STX11: variants seen among roughly 807,000 people sequenced by gnomAD.
STX11 encodes syntaxin 11.
In STX11, 21 loss-of-function variants were observed where a neutral mutation model predicts 19.9. That is an observed-to-expected ratio of 1.06 (90% CI 0.75 to 1.52). The LOEUF (loss-of-function observed/expected upper bound fraction) is 1.52. Ranked by LOEUF, STX11 falls within the 40% of genes most tolerant of loss-of-function variation. The pLI is 0.00. For missense variants in STX11, 438 were observed against 405.9 expected (o/e 1.08, Z -0.68); for synonymous variants, 193 against 174.4 (o/e 1.11, Z -0.84).
Position 144,186,856 on chromosome 6 carries a change from C to T in STX11, c.229C>T (p.Arg77Trp), listed in dbSNP as rs778807808. 1 of 1,612,864 alleles carries T rather than the reference C, an allele frequency of 6.2e-7. No homozygotes were observed. The highest frequency in any genetic ancestry group is 1.7e-5 in the Admixed American group (1 of 59,978). The change falls in exon 2 of 2, where the codon CGG becomes TGG. Residue 77 changes from arginine to tryptophan, a missense_variant. Coordinates refer to ENST00000367568, the MANE Select transcript of STX11 (RefSeq NM_003764.4). ...KQNARFLTSM[R>W]RLSSIKRDTN... is the part of the protein sequence containing the mutation. ...GAACGCCCGCTTCCTCACGTCCATGCGGCGCCTCAGCAGCATCAAGCGCGA... is the reference window on the plus strand; with the variant it reads ...GAACGCCCGCTTCCTCACGTCCATGTGGCGCCTCAGCAGCATCAAGCGCGA...
rs1411227675 is a variant in STX11, at chr6:144,190,952, T to C, written c.*3461T>C. ...GTGTTCTAGTGCCACCAAGAGATGC[T>C]GTAGAGCTGGCTTTACCAATCTCAT... On this transcript the variant is annotated 3_prime_UTR_variant, in exon 2 of 2. Transcript: ENST00000367568. Among the ~76,000 whole-genome samples, 1 of 152,088 alleles carries C rather than the reference T, an allele frequency of 6.6e-6. No individual in the cohort carries two copies. The highest frequency in any genetic ancestry group is 6.6e-5 in the Admixed American group (1 of 15,254).
intron 1 of STX11, among the ~76,000 whole-genome samples, chr6:144,178,160 T>C (rs1342889300): frequency 6.6e-6 from 1 of 152,220 alleles, no homozygotes; most frequent in Non-Finnish European, 1.5e-5. Context: ...TGTAGCTTTG[T>C]GGATTACGGA....
chr6:144,141,962 G>T, the STX11 span, among the ~76,000 whole-genome samples: 1 of 151,870 alleles, frequency 6.6e-6, no homozygotes, highest in Non-Finnish European at 1.5e-5. Flanking sequence ...GATTACAGGC[G>T]AGAGCCACTG....
chr6:144,152,827 T>C lies in STX11; in HGVS notation c.-6+2124T>C, dbSNP rs934586706. Among the ~76,000 whole-genome samples, 1 of 152,230 alleles carries C rather than the reference T, an allele frequency of 6.6e-6. No homozygotes were observed. The highest frequency in any genetic ancestry group is 2.4e-5 in the African/African-American group (1 of 41,462). On this transcript the variant is annotated intron_variant, in intron 1 of 1. Transcript: ENST00000367568. This position sits in a 1 kb window ranked among gnomAD's most constrained non-coding sequence, Gnocchi z 4.9. ...TTTTGTATTTTTAGTAGGGACAAGG[T>C]TCGGCCCTGTTGGCCAGGCTGGTCT... is the stretch of plus-strand genomic sequence containing the variant.
chr6:144,150,296 C>G (rs1197604345), upstream of STX11, among the ~76,000 whole-genome samples: 1 of 152,254 alleles, frequency 6.6e-6, no homozygotes, highest in African/African-American at 2.4e-5. Context: ...CCACTCCCCG[C>G]GCCGGTCCGC....
rs1419460567 is a variant in STX11 at position 144,186,888 on chromosome 6, C to T, written c.261C>T (p.Asn87=). 1 of 1,612,224 alleles carries T rather than the reference C, an allele frequency of 6.2e-7. No homozygotes were observed. The highest frequency in any genetic ancestry group is 1.7e-5 in the Admixed American group (1 of 60,028). The change falls in exon 2 of 2, where the codon AAC becomes AAT. Residue 87 remains asparagine, a synonymous_variant. Coordinates refer to ENST00000367568, the MANE Select transcript of STX11 (RefSeq NM_003764.4). ...TCAGCAGCATCAAGCGCGACACCAACTCCATCGCCAAGGCCATCAAGGCCC... is the reference window on the plus strand; with the variant it reads ...TCAGCAGCATCAAGCGCGACACCAATTCCATCGCCAAGGCCATCAAGGCCC... The part of the protein sequence containing the change: ...RRLSSIKRDT[N]SIAKAIKARG...
chr6:144,156,262 C>T (rs1801162096), intron 1 of STX11, among the ~76,000 whole-genome samples: 1 of 151,948 alleles, frequency 6.6e-6, no homozygotes, highest in Admixed American at 6.6e-5. Context: ...TGGGATTTCT[C>T]CATGTTGGTC....
chr6:144,140,043 C>G, the STX11 span, among the ~76,000 whole-genome samples: 1 of 151,154 alleles, frequency 6.6e-6, no homozygotes, highest in Non-Finnish European at 1.5e-5. Context: ...CTGGGGCACA[C>G]AAGGAAAGGA....
At chr6:144,156,498 C>T (rs945337156) in intron 1 of STX11, among the ~76,000 whole-genome samples, 5 of 152,154 alleles carry the variant, frequency 3.3e-5, no homozygotes, top group Admixed American at 3.3e-4. Flanking sequence ...TATTCCATTA[C>T]TCCTTGCATA....
In STX11 at chr6:144,163,471, A is replaced by AT. The variant is rs1010252957; in HGVS notation, c.-6+12778dup. On this transcript the variant is annotated intron_variant, in intron 1 of 1. Coordinates refer to ENST00000367568, the MANE Select transcript of STX11 (RefSeq NM_003764.4). ...CTCTACAAAATTTTTTATTTTTAAA[A>AT]TTTTTTTTTTAATTTTTGTTTTTTG... Among the ~76,000 whole-genome samples, 5 of 150,486 alleles carry AT rather than the reference A, an allele frequency of 3.3e-5. No individual in the cohort carries two copies. In the South Asian group the frequency reaches 6.3e-4, roughly 19 times the overall value.
chr6:144,190,123 A>G lies in STX11; in HGVS notation c.*2632A>G, dbSNP rs1023378908. Among the ~76,000 whole-genome samples the G allele has an allele frequency of 4.6e-5, 7 of 152,248 alleles. No individual in the cohort carries two copies. The highest frequency in any genetic ancestry group is 1.7e-4 in the African/African-American group (7 of 41,466). ...ATTACTGCACCAAAAGAATGAGTGA[A>G]CTGTTACCTATAGGGAAAGAACACT... is the stretch of plus-strand genomic sequence containing the variant. On this transcript the variant is annotated 3_prime_UTR_variant, in exon 2 of 2. Transcript: ENST00000367568.
At chr6:144,141,723 G>A in the STX11 span, among the ~76,000 whole-genome samples, 8 of 152,020 alleles carry the variant, frequency 5.3e-5, no homozygotes, top group East Asian at 1.5e-3. Flanking sequence ...CCATTGTCCA[G>A]GCTGGAGTGC....
At chr6:144,185,653 G>A (rs1449022742) in intron 1 of STX11, among the ~76,000 whole-genome samples, 2 of 152,208 alleles carry the variant, frequency 1.3e-5, no homozygotes, top group Non-Finnish European at 2.9e-5. Context: ...ATGAATGAAT[G>A]GGAGTGTGTT....
Position 144,182,484 on chromosome 6 carries a change from A to G in STX11, c.-5-4139A>G, listed in dbSNP as rs967094040. ...CCCTTTCTTTTTCTCTTATTAGCAC[A>G]TTATGGACTTGCGCCTTCACATGAG... On this transcript the variant is annotated intron_variant, in intron 1 of 1. Transcript: ENST00000367568. This position sits in a 1 kb window ranked among gnomAD's most constrained non-coding sequence, Gnocchi z 4.8. Among the ~76,000 whole-genome samples the G allele has an allele frequency of 4.6e-5, 7 of 152,300 alleles. No homozygotes were observed. The highest frequency in any genetic ancestry group is 1.7e-4 in the African/African-American group (7 of 41,564).
At chr6:144,141,653 T>TTTGTTG in the STX11 span, among the ~76,000 whole-genome samples, 2,117 of 150,450 alleles carry the variant, frequency 0.014, 45 homozygotes, top group African/African-American at 0.045. Flanking sequence ...TATTTTCAGT[T>TTTGTTG]TTGTTGTTGT....
At position 144,187,501 on chromosome 6, in the gene STX11, C is replaced by A; in HGVS notation, c.*10C>A. ...TCCCTGCCTCAAGTAGCAGGCCGGC[C>A]CGGGCCGCCACCGCCCATCCCAGAC... is the stretch of plus-strand genomic sequence containing the variant. On this transcript the variant is annotated 3_prime_UTR_variant, in exon 2 of 2. Transcript: ENST00000367568. The surrounding 1 kb of genome is among the most constrained non-coding windows in gnomAD (Gnocchi z 5.6). 6.2e-7 allele frequency: 1 copy of A among 1,611,596 alleles called. No homozygotes were observed. The highest frequency in any genetic ancestry group is 8.5e-7 in the Non-Finnish European group (1 of 1,179,874).
chr6:144,147,047 C>T (rs1243760813), upstream of STX11, among the ~76,000 whole-genome samples: 4 of 152,142 alleles, frequency 2.6e-5, no homozygotes, highest in African/African-American at 9.7e-5. This position sits in a 1 kb window ranked among gnomAD's most constrained non-coding sequence, Gnocchi z 4.2. Context: ...TGCACACCTG[C>T]TCATCTACTC....
At chr6:144,148,680 T>C (rs528384129), upstream of STX11, among the ~76,000 whole-genome samples, 1 of 152,326 alleles carries the variant, frequency 6.6e-6, no homozygotes, top group South Asian at 2.1e-4. Context: ...CAGGATCCCA[T>C]CCAGGATACC....
chr6:144,143,560 T>C, the STX11 span, among the ~76,000 whole-genome samples: 1 of 151,986 alleles, frequency 6.6e-6, no homozygotes, highest in African/African-American at 2.4e-5. Context: ...TTGGGGCCTT[T>C]TGTTGAGGGG....
Sources: allele counts gnomAD v4.1 joint callset (sites outside exome capture counted in the v4.1 genomes callset), GRCh38; gene constraint gnomAD v4.1.1; non-coding constraint Gnocchi (gnomAD v3.1); transcripts MANE v1.5; gene names NCBI Gene and HGNC (gene_info 2026-07-23, HGNC 2026-07-21).